Variants in COMMD10 observed in about 807,000 individuals in gnomAD.
The protein encoded by COMMD10 is COMM domain-containing protein 10.
A neutral mutation model predicts 28.9 loss-of-function variants in COMMD10; 33 were observed. That is an observed-to-expected ratio of 1.14 (90% CI 0.87 to 1.53). The LOEUF is 1.53. COMMD10 is among the 40% of genes most tolerant of loss of function. The probability of loss-of-function intolerance (pLI) is 0.00; values close to 1 mark genes in which losing one functional copy is unlikely to be tolerated. For synonymous variants in COMMD10, 110 were observed against 81.7 expected (o/e 1.35, Z -1.87); for missense variants, 310 against 233.4 (o/e 1.33, Z -2.14).
chr5:116,269,268 A>G (rs562506932), intron 5 of COMMD10, among the ~76,000 whole-genome samples: 3 of 151,788 alleles, frequency 2.0e-5, no homozygotes, highest in Non-Finnish European at 1.5e-5. Context: ...TTTTATGATC[A>G]TAGTATTTCT....
chr5:116,264,155 C>T (rs1750521761), intron 5 of COMMD10, among the ~76,000 whole-genome samples: 1 of 151,674 alleles, frequency 6.6e-6, no homozygotes, highest in Admixed American at 6.6e-5. Flanking sequence ...CTACCTCTTG[C>T]TGTATAGGAG....
intron 5 of COMMD10, among the ~76,000 whole-genome samples, chr5:116,243,281 C>T (rs1000204695): frequency 2.0e-5 from 3 of 152,100 alleles, no homozygotes; most frequent in Non-Finnish European, 4.4e-5. Context: ...CAGACTGACT[C>T]AATTTGCATT....
chr5:116,244,719 C>G (rs542573723), intron 5 of COMMD10, among the ~76,000 whole-genome samples: 2 of 149,024 alleles, frequency 1.3e-5, no homozygotes, highest in African/African-American at 4.9e-5. Flanking sequence ...AATACCTTCT[C>G]CTGAATGATT....
chr5:116,162,606 A>G (rs1012628249), intron 5 of COMMD10, among the ~76,000 whole-genome samples: 1 of 152,194 alleles, frequency 6.6e-6, no homozygotes. Flanking sequence ...ATCATTCTCT[A>G]TAACTGAGCT....
intron 5 of COMMD10, among the ~76,000 whole-genome samples, chr5:116,257,209 A>C (rs921837139): frequency 3.5e-5 from 3 of 86,740 alleles, no homozygotes; most frequent in African/African-American, 9.6e-5. Flanking sequence ...AAGGCCACTT[A>C]CGGAATTTTC....
intron 5 of COMMD10, among the ~76,000 whole-genome samples, chr5:116,155,402 C>T (rs1014417235): frequency 1.3e-5 from 2 of 152,058 alleles, no homozygotes; most frequent in African/African-American, 2.4e-5. Flanking sequence ...CTACTATTTT[C>T]ATTAAGAAAG....
At chr5:116,153,395 G>T (rs950187788) in intron 5 of COMMD10, among the ~76,000 whole-genome samples, 1 of 152,032 alleles carries the variant, frequency 6.6e-6, no homozygotes, top group East Asian at 1.9e-4. Context: ...TTCTTCTGTG[G>T]ATAAGGGCCT....
At chr5:116,274,879 TTTTTC>T (rs1237408795) in intron 5 of COMMD10, among the ~76,000 whole-genome samples, 3 of 151,778 alleles carry the variant, frequency 2.0e-5, no homozygotes, top group Admixed American at 6.6e-5. Flanking sequence ...TTTCTGTCTG[TTTTTC>T]TCCCTCCTGA....
intron 4 of COMMD10, among the ~76,000 whole-genome samples, chr5:116,127,774 C>G (rs377081085): frequency 1.3e-5 from 2 of 151,892 alleles, no homozygotes; most frequent in African/African-American, 2.4e-5. Context: ...TGGGGCCTGT[C>G]TTGTGGTGGG....
chr5:116,113,255 GACATT>G (rs1431178750), intron 4 of COMMD10, among the ~76,000 whole-genome samples: 16 of 151,730 alleles, frequency 1.1e-4, no homozygotes, highest in Admixed American at 8.5e-4. Context: ...CTTTCACTTT[GACATT>G]AGACACTCAT....
Position 116,269,423 on chromosome 5 carries a change from T to A in COMMD10, c.511-22094T>A, listed in dbSNP as rs73784107. Reference sequence around the variant, plus strand: ...CGTTAAATGGTGTGATTTCTCCTTATGACTTTCACATTTTACTTTATAGGT... The same window carrying A: ...CGTTAAATGGTGTGATTTCTCCTTAAGACTTTCACATTTTACTTTATAGGT... On this transcript the variant is annotated intron_variant, in intron 5 of 6. Coordinates refer to ENST00000274458, the MANE Select transcript of COMMD10 (RefSeq NM_016144.4). 4.3e-3 allele frequency among the ~76,000 whole-genome samples: 649 copies of A among 151,902 alleles called. 15 individuals are homozygous for A. The highest frequency in any genetic ancestry group is 0.014 in the African/African-American group (595 of 41,244).
intron 5 of COMMD10, among the ~76,000 whole-genome samples, chr5:116,185,642 T>C (rs1055753898): frequency 6.6e-6 from 1 of 152,108 alleles, no homozygotes; most frequent in African/African-American, 2.4e-5. Flanking sequence ...AAGGGTCCTA[T>C]GTAAAGAGGG....
intron 5 of COMMD10, among the ~76,000 whole-genome samples, chr5:116,256,870 G>A (rs4920909): frequency 0.078 from 11,851 of 151,650 alleles, 1,087 homozygotes; most frequent in African/African-American, 0.2. Context: ...GTGGTGTTTG[G>A]CATCACTGTC....
At chr5:116,151,686 G>A (rs867300071) in intron 5 of COMMD10, among the ~76,000 whole-genome samples, 1 of 152,154 alleles carries the variant, frequency 6.6e-6, no homozygotes, top group Non-Finnish European at 1.5e-5. Flanking sequence ...TTGTATTTCT[G>A]TGGGATCGGT....
chr5:116,264,557 C>G (rs4308513), intron 5 of COMMD10, among the ~76,000 whole-genome samples: 3 of 151,564 alleles, frequency 2.0e-5, no homozygotes, highest in African/African-American at 7.3e-5. Context: ...TACAAAGTCA[C>G]GTAAAGGTCA....
chr5:116,137,604 G>C (rs1313358015), intron 5 of COMMD10, among the ~76,000 whole-genome samples: 1 of 151,914 alleles, frequency 6.6e-6, no homozygotes, highest in Non-Finnish European at 1.5e-5. Flanking sequence ...CTTTTGAGCT[G>C]TTGTACTGAA....
chr5:116,122,720 G>A (rs1284566332), intron 4 of COMMD10, among the ~76,000 whole-genome samples: 2 of 152,202 alleles, frequency 1.3e-5, no homozygotes, highest in Non-Finnish European at 2.9e-5. Context: ...TGGATTCCTA[G>A]GTATTTTATT....
intron 5 of COMMD10, among the ~76,000 whole-genome samples, chr5:116,159,673 G>A (rs904997183): frequency 4.6e-5 from 7 of 152,164 alleles, no homozygotes; most frequent in Non-Finnish European, 8.8e-5. Flanking sequence ...AACTGTGGAG[G>A]TTTATTCCAA....
Position 116,147,485 on chromosome 5 carries a change from A to T in COMMD10, c.510+13307A>T, listed in dbSNP as rs6873369. 8.9e-3 allele frequency among the ~76,000 whole-genome samples: 1,353 copies of T among 152,002 alleles called. 21 individuals carry two copies. The highest frequency in any genetic ancestry group is 0.031 in the African/African-American group (1,282 of 41,518). ...TGAATAGCAAATTATACAGTATTTTAAAAAATATATCATATTTTAAGCTTT... is the reference window on the plus strand; with the variant it reads ...TGAATAGCAAATTATACAGTATTTTTAAAAATATATCATATTTTAAGCTTT... On this transcript the variant is annotated intron_variant, in intron 5 of 6. Coordinates refer to ENST00000274458, the MANE Select transcript of COMMD10 (RefSeq NM_016144.4).
Sources: gnomAD v4.1 joint callset for allele counts (sites outside exome capture counted in the v4.1 genomes callset) on GRCh38, gnomAD v4.1.1 for gene constraint, MANE v1.5 for transcripts, NCBI Gene and HGNC (gene_info 2026-07-23, HGNC 2026-07-21) for gene names.